Variants in TRANK1 observed in about 807,000 individuals in gnomAD.
The protein encoded by TRANK1 is tetratricopeptide repeat and ankyrin repeat containing 1.
A neutral mutation model predicts 266.0 loss-of-function variants in TRANK1; 198 were observed. The ratio of observed to expected loss-of-function variants is 0.74; its 90% CI spans 0.66 to 0.84. The LOEUF is 0.84. Among genes scored for constraint, TRANK1 ranks in the 40% least tolerant of loss-of-function variants. The pLI is 0.00. For synonymous variants in TRANK1, 1,396 were observed against 1,384.1 expected (o/e 1.01, Z -0.19); for missense variants, 3,326 against 3,634.6 (o/e 0.92, Z 2.18).
intron 9 of TRANK1, among the ~76,000 whole-genome samples, chr3:36,865,815 G>T (rs1206558203): frequency 1.3e-5 from 2 of 152,090 alleles, no homozygotes; most frequent in Non-Finnish European, 2.9e-5. Context: ...TGTGGTCCCA[G>T]CTACTCAGGA....
chr3:36,930,580 G>T (rs1559479825), intron 1 of TRANK1, among the ~76,000 whole-genome samples: 4 of 152,006 alleles, frequency 2.6e-5, no homozygotes, highest in Non-Finnish European at 5.9e-5. Flanking sequence ...AGTTCCAAAT[G>T]AATAAAAAAA....
rs533049067 is a variant in TRANK1, at chr3:36,879,154, TA to T, written c.908-4859del. 3.4e-3 allele frequency among the ~76,000 whole-genome samples: 489 copies of T among 145,884 alleles called. 1 individual carries two copies. Among genetic ancestry groups the T allele is most frequent in the Non-Finnish European group, 4.6e-3 (304 of 66,110 alleles). On this transcript the variant is annotated intron_variant, in intron 8 of 23. Transcript: ENST00000645898. The stretch of plus-strand genomic sequence containing the variant: ...TGGGACTTTGGTTTTGGCAATTGTT[TA>T]AAAAAAAAAAGAAAGAAAACTATTT...
chr3:36,930,381 T>C (rs2080345166), intron 1 of TRANK1, among the ~76,000 whole-genome samples: 1 of 152,190 alleles, frequency 6.6e-6, no homozygotes, highest in South Asian at 2.1e-4. Context: ...AGGGGGTCTT[T>C]GCAGACTTTC....
At chr3:36,892,092 A>T in intron 7 of TRANK1, 110 bp downstream of exon 7, 1 of 1,269,294 alleles carries the variant, frequency 7.9e-7, no homozygotes, top group Non-Finnish European at 1.1e-6. Flanking sequence ...TTGAATATTC[A>T]AATGGTCTGC....
At chr3:36,855,121 C>G in intron 13 of TRANK1, 52 bp downstream of exon 13, 1 of 1,515,808 alleles carries the variant, frequency 6.6e-7, no homozygotes, top group East Asian at 2.3e-5. Context: ...AAAGGCAGCC[C>G]AAAGTCTGTG....
At chr3:36,931,524 G>C (rs2080359869) in intron 1 of TRANK1, among the ~76,000 whole-genome samples, 1 of 151,932 alleles carries the variant, frequency 6.6e-6, no homozygotes, top group African/African-American at 2.4e-5. Context: ...GGGCAACACA[G>C]TGAGACCTCA....
At chr3:36,924,987 T>G (rs2080268590) in intron 1 of TRANK1, among the ~76,000 whole-genome samples, 1 of 152,152 alleles carries the variant, frequency 6.6e-6, no homozygotes, top group Non-Finnish European at 1.5e-5. Context: ...CATAAAGGTC[T>G]GGGGTGCTAA....
intron 21 of TRANK1, chr3:36,834,366 C>T (rs934111075): frequency 3.0e-5 from 6 of 199,728 alleles, no homozygotes; most frequent in African/African-American, 7.0e-5. Flanking sequence ...TCAGCAATTA[C>T]ACCAGTCTTC....
intron 15 of TRANK1, among the ~76,000 whole-genome samples, chr3:36,847,588 A>G (rs1239104326): frequency 6.6e-6 from 1 of 152,232 alleles, no homozygotes; most frequent in East Asian, 1.9e-4. Context: ...AGCCAGGCAC[A>G]CATGACCACT....
chr3:36,858,099 G>GTCTGCTGTCCCCTAA, intron 12 of TRANK1, 50 bp from the exon 13 acceptor site: 1 of 1,417,196 alleles, frequency 7.1e-7, no homozygotes, highest in Non-Finnish European at 9.3e-7. Context: ...TCTTCTTAGG[G>GTCTGCTGTCCCCTAA]GACAGCAGAC....
chr3:36,834,242 A>T (rs1433518496), intron 21 of TRANK1: 1 of 237,352 alleles, frequency 4.2e-6, no homozygotes, highest in Admixed American at 5.1e-5. Context: ...CATAGTCTAA[A>T]TTATCCTTGA....
At chr3:36,898,226 G>A (rs1186582947) in intron 4 of TRANK1, among the ~76,000 whole-genome samples, 1 of 152,192 alleles carries the variant, frequency 6.6e-6, no homozygotes, top group Non-Finnish European at 1.5e-5. Context: ...GCCAAGGCAG[G>A]TGGATTGAGG....
intron 5 of TRANK1, among the ~76,000 whole-genome samples, chr3:36,893,596 A>C (rs1349214308): frequency 6.6e-6 from 1 of 152,228 alleles, no homozygotes; most frequent in Admixed American, 6.5e-5. Flanking sequence ...TTCTTTTCAG[A>C]GACCCAGTTG....
chr3:36,859,982 CTTG>C (rs2079118057), intron 11 of TRANK1, among the ~76,000 whole-genome samples: 2 of 152,198 alleles, frequency 1.3e-5, no homozygotes, highest in Admixed American at 6.5e-5. Flanking sequence ...CACACAATGT[CTTG>C]TGTGTTACTG....
chr3:36,852,442 T>A (rs1320492354), intron 13 of TRANK1, 97 bp from the exon 14 acceptor site: 2 of 1,176,318 alleles, frequency 1.7e-6, no homozygotes, highest in Non-Finnish European at 1.2e-6. Flanking sequence ...GAGAAGCAGG[T>A]TTGGCCCCTA....
chr3:36,932,501 C>T (rs933079654), intron 1 of TRANK1, among the ~76,000 whole-genome samples: 7 of 152,102 alleles, frequency 4.6e-5, no homozygotes, highest in Non-Finnish European at 8.8e-5. Context: ...AGGTGGAGGT[C>T]GCAGTGAGCC....
chr3:36,829,715 G>C (rs912281608), intron 22 of TRANK1, 53 bp from the exon 23 acceptor site: 23 of 1,572,884 alleles, frequency 1.5e-5, no homozygotes, highest in Non-Finnish European at 7.0e-6. Flanking sequence ...GCAGGAACTA[G>C]AACACCAATT....
chr3:36,831,701 C>T lies in TRANK1; in HGVS notation c.7882G>A (p.Ala2628Thr). Reference protein sequence around the residue: ...VLVAVNVKSVAEALQDLLFER... With the variant: ...VLVAVNVKSVTEALQDLLFER... ...AAGAGCAGGTCCTGCAGTGCCTCAG[C>T]CACAGACTTCACATTGACTGCCACC... is the stretch of plus-strand genomic sequence containing the variant. Residue 2628 changes from alanine (A) to threonine (T), a missense_variant, in exon 22 of 24, where the codon GCT becomes ACT. By Grantham distance (58) the Ala-to-Thr change is moderately conservative. Coordinates refer to ENST00000645898, the MANE Select transcript of TRANK1 (RefSeq NM_001329998.2). This position sits in a 1 kb window ranked among gnomAD's most constrained non-coding sequence, Gnocchi z 5.0. The T allele has an allele frequency of 1.2e-6, 2 of 1,614,016 alleles. No individual in the cohort carries two copies. Among genetic ancestry groups the T allele is most frequent in the Non-Finnish European group, 1.7e-6 (2 of 1,179,898 alleles).
intron 23 of TRANK1, among the ~76,000 whole-genome samples, chr3:36,828,850 A>G (rs1476854885): frequency 3.3e-5 from 5 of 152,198 alleles, no homozygotes; most frequent in African/African-American, 9.7e-5. Context: ...ACTAAATGCT[A>G]AAGATTTTTT....
Sources: gnomAD v4.1 joint callset for allele counts (sites outside exome capture counted in the v4.1 genomes callset) on GRCh38, gnomAD v4.1.1 for gene constraint, Gnocchi (gnomAD v3.1) non-coding constraint, MANE v1.5 for transcripts, NCBI Gene and HGNC (gene_info 2026-07-23, HGNC 2026-07-21) for gene names.